The following UGDH variants were observed in gnomAD, a reference collection of about 807,000 sequenced individuals.
UGDH encodes the protein UDP-Glc dehydrogenase.
Under a neutral mutation model 50.6 loss-of-function variants are expected in UGDH, and 38 were observed. That is an observed-to-expected ratio of 0.75 (90% CI 0.58 to 0.98). The LOEUF (loss-of-function observed/expected upper bound fraction) is 0.98, where lower values mean the gene tolerates loss of function less well. Among genes scored for constraint, UGDH ranks in the 50% least tolerant of loss-of-function variants. The pLI is 0.00. For synonymous variants in UGDH, 168 were observed against 199.9 expected, an observed-to-expected ratio of 0.84 and a Z score of 1.35; for missense variants, 465 against 606.2, an observed-to-expected ratio of 0.77 and a Z score of 2.45.
chr4:39,500,325 TG>T, intron 11 of UGDH, 72 bp from the exon 12 acceptor site: 1 of 949,090 alleles, frequency 1.1e-6, no homozygotes, highest in East Asian at 2.7e-5. Context: ...TGTACTGAAA[TG>T]GGAGCAGGGG....
intron 11 of UGDH, 73 bp from the exon 12 acceptor site, chr4:39,500,326 G>T: frequency 1.1e-6 from 1 of 879,372 alleles, no homozygotes; most frequent in Non-Finnish European, 1.7e-6. Context: ...GTACTGAAAT[G>T]GGAGCAGGGG....
chr4:39,519,359 T>C (rs527388654), intron 2 of UGDH, among the ~76,000 whole-genome samples: 2 of 152,204 alleles, frequency 1.3e-5, no homozygotes, highest in Non-Finnish European at 2.9e-5. Flanking sequence ...CCTGGCTTAT[T>C]TGTGAAGACT....
chr4:39,524,410 G>A (rs756509526), intron 1 of UGDH, among the ~76,000 whole-genome samples: 4 of 152,044 alleles, frequency 2.6e-5, no homozygotes, highest in Non-Finnish European at 5.9e-5. Flanking sequence ...CCACAAGGGC[G>A]TCTCTTTTTG....
At position 39,517,643 on chromosome 4, in the gene UGDH, GAAGA is replaced by G. The variant is rs1452205524; in HGVS notation, c.163-3463_163-3460del. 3.9e-5 allele frequency among the ~76,000 whole-genome samples: 6 copies of G among 152,316 alleles called. No homozygotes were observed. The East Asian group carries it at 9.6e-4, about 24-fold the overall frequency. On this transcript the variant is annotated intron_variant, in intron 2 of 11. Transcript: ENST00000316423. ...TTTCTCAGTAATTCATGTAATGAGAGAAGAAAGAACATTAACAGTAAGTCAAAGC... is the reference window on the plus strand; with the variant it reads ...TTTCTCAGTAATTCATGTAATGAGAGAAGAACATTAACAGTAAGTCAAAGC...
At position 39,503,863 on chromosome 4, in the gene UGDH, G is replaced by C; in HGVS notation, c.1374+12C>G. 1 of 1,610,554 alleles carries C rather than the reference G, an allele frequency of 6.2e-7. No individual in the cohort carries two copies. The highest frequency in any genetic ancestry group is 8.5e-7 in the Non-Finnish European group (1 of 1,177,922). ...AACAAAAAGAAAAAAAACAATCCAG[G>C]ATCATGATTACCTGGAAGCCAATGG... is the stretch of plus-strand genomic sequence containing the variant. On this transcript the variant is annotated intron_variant, in intron 11 of 11. Coordinates refer to ENST00000316423, the MANE Select transcript of UGDH (RefSeq NM_003359.4).
chr4:39,514,981 C>T (rs1746389616), intron 2 of UGDH, among the ~76,000 whole-genome samples: 1 of 150,874 alleles, frequency 6.6e-6, no homozygotes. Flanking sequence ...CACACCTGGC[C>T]TATTTTATTT....
At chr4:39,518,043 C>T (rs1746503265) in intron 2 of UGDH, among the ~76,000 whole-genome samples, 1 of 152,170 alleles carries the variant, frequency 6.6e-6, no homozygotes, top group African/African-American at 2.4e-5. Context: ...ATTCTCCTGC[C>T]TCAGCCTCCC....
chr4:39,500,250 C>T lies in UGDH; in HGVS notation c.1378G>A (p.Glu460Lys). The change falls in exon 12 of 12, where the codon GAA becomes AAA. Residue 460 changes from glutamate (E) to lysine (K), a missense_variant. Coordinates refer to ENST00000316423, the MANE Select transcript of UGDH (RefSeq NM_003359.4). ...NELQTIGFQI[E>K]TIGKKVSSKR... The stretch of plus-strand genomic sequence containing the variant: ...GAAGACACCTTTTTGCCAATTGTTT[C>T]AATCTGAAAAAAAAATAAAATTTAA... 6.4e-7 allele frequency: 1 copy of T among 1,558,906 alleles called. No homozygotes were observed. Among genetic ancestry groups the T allele is most frequent in the Non-Finnish European group, 8.7e-7 (1 of 1,147,806 alleles).
At chr4:39,502,044 GT>G (rs146916608) in intron 11 of UGDH, among the ~76,000 whole-genome samples, 11 of 150,638 alleles carry the variant, frequency 7.3e-5, no homozygotes, top group South Asian at 2.1e-4. Context: ...TTCCATTCCT[GT>G]TTTTTTTTAA....
Position 39,517,008 on chromosome 4 carries a change from G to A in UGDH, c.163-2824C>T, listed in dbSNP as rs75808493. Among the ~76,000 whole-genome samples the A allele has an allele frequency of 1.7e-4, 26 of 152,154 alleles. No homozygotes were observed. The East Asian group carries it at 5.0e-3, about 29-fold the overall frequency. On this transcript the variant is annotated intron_variant, in intron 2 of 11. Transcript: ENST00000316423. ...TAAAGCCAAAACTGATGCAGAAGCA[G>A]TTAATAATATAGGTTCTATCTGTTA... is the stretch of plus-strand genomic sequence containing the variant.
rs752083244 is a variant in UGDH at position 39,504,497 on chromosome 4, C to T, written c.1183G>A (p.Val395Met). The T allele has an allele frequency of 8.7e-6, 14 of 1,613,508 alleles. No homozygotes were observed. Among genetic ancestry groups the T allele is most frequent in the East Asian group, 4.5e-5 (2 of 44,892 alleles). The change falls in exon 10 of 12, where the codon GTG (valine) becomes ATG (methionine). Residue 395 changes from valine to methionine, a missense_variant. Transcript: ENST00000316423. ...VSEDDQVSRL[V>M]TISKDPYEAC... The stretch of plus-strand genomic sequence containing the variant: ...TCATATGGATCCTTGGAAATGGTCA[C>T]GAGCCGGGACACTGTAACAATAGCA...
intron 2 of UGDH, among the ~76,000 whole-genome samples, chr4:39,514,849 A>ATTTTT (rs1432497327): frequency 6.6e-6 from 1 of 151,714 alleles, no homozygotes; most frequent in East Asian, 1.9e-4. Context: ...CACTGGGCTA[A>ATTTTT]TTTTGTATTT....
chr4:39,501,134 G>C (rs951869198), intron 11 of UGDH, among the ~76,000 whole-genome samples: 10 of 150,236 alleles, frequency 6.7e-5, no homozygotes, highest in Non-Finnish European at 1.3e-4. Flanking sequence ...CCAGGCTAAT[G>C]TTTTTGTATT....
In UGDH at chr4:39,527,371, A is replaced by C; in HGVS notation, c.-96T>G. On this transcript the variant is annotated 5_prime_UTR_variant, in exon 1 of 12. Transcript: ENST00000316423. The stretch of plus-strand genomic sequence containing the variant: ...CGGGCCGCGCCGCCGCAGCTTCTCC[A>C]CCCGCGCCCCGCTCGATCTGAGCTC... The C allele has an allele frequency of 5.7e-5, 13 of 229,346 alleles. No homozygotes were observed. Among genetic ancestry groups the C allele is most frequent in the Middle Eastern group, 2.1e-3 (1 of 476 alleles). The allele number at this position is 229,346 out of a possible 1,614,324, so 14.2% of individuals were successfully genotyped here. A position where few individuals can be genotyped will look rare whatever the true frequency, so the allele number is the denominator to read the frequency against.
intron 2 of UGDH, among the ~76,000 whole-genome samples, chr4:39,519,711 T>C (rs1193948062): frequency 2.0e-5 from 3 of 151,996 alleles, no homozygotes; most frequent in East Asian, 3.9e-4. Context: ...GCTAATTTTT[T>C]GTATTTTTAG....
intron 2 of UGDH, among the ~76,000 whole-genome samples, chr4:39,517,738 T>C (rs908377364): frequency 6.6e-6 from 1 of 152,112 alleles, no homozygotes; most frequent in Admixed American, 6.5e-5. Flanking sequence ...TCTATAATCA[T>C]AGATTAGTTT....
chr4:39,523,975 C>T (rs906604715), intron 1 of UGDH, among the ~76,000 whole-genome samples: 1 of 152,182 alleles, frequency 6.6e-6, no homozygotes, highest in African/African-American at 2.4e-5. Context: ...TATATCCTCC[C>T]AGCTACAAGT....
chr4:39,525,070 T>C (rs925511097), intron 1 of UGDH, among the ~76,000 whole-genome samples: 14 of 152,250 alleles, frequency 9.2e-5, no homozygotes, highest in Non-Finnish European at 1.5e-4. Context: ...ATGTACAATC[T>C]GTGCAAGTCC....
chr4:39,513,696 C>T (rs1746334208), intron 3 of UGDH, among the ~76,000 whole-genome samples: 1 of 151,862 alleles, frequency 6.6e-6, no homozygotes, highest in Non-Finnish European at 1.5e-5. Context: ...ACCACCACGC[C>T]CAGCTAATTT....
Sources: gnomAD v4.1 joint callset for allele counts (sites outside exome capture counted in the v4.1 genomes callset) on GRCh38, gnomAD v4.1.1 for gene constraint, MANE v1.5 for transcripts, NCBI Gene and HGNC (gene_info 2026-07-23, HGNC 2026-07-21) for gene names.